CDH12: variants seen among roughly 807,000 people sequenced by gnomAD.
The protein encoded by CDH12 is cadherin 12, also known as cadherin-12.
A neutral mutation model predicts 74.1 loss-of-function variants in CDH12; 41 were observed. That is an observed-to-expected ratio of 0.55 (90% CI 0.43 to 0.72). The LOEUF is 0.72. CDH12 is among the 30% of genes least tolerant of loss of function. The pLI is 0.00. For missense variants in CDH12, 945 were observed against 977.2 expected, an observed-to-expected ratio of 0.97 and a Z score of 0.44; for synonymous variants, 399 against 355.0, an observed-to-expected ratio of 1.12 and a Z score of -1.39.
chr5:21,882,309 G>A (rs372218079), intron 6 of CDH12, among the ~76,000 whole-genome samples: 12 of 152,048 alleles, frequency 7.9e-5, no homozygotes, highest in African/African-American at 2.9e-4. Context: ...ACACACAGAG[G>A]ATGACGTAAA....
intron 4 of CDH12, among the ~76,000 whole-genome samples, chr5:22,181,897 T>C (rs945866955): frequency 2.6e-5 from 4 of 152,108 alleles, no homozygotes; most frequent in Non-Finnish European, 4.4e-5. Context: ...TCCCAAATCA[T>C]CCCGGAAGTC....
chr5:22,026,969 A>C (rs564477493), intron 5 of CDH12, among the ~76,000 whole-genome samples: 3 of 152,168 alleles, frequency 2.0e-5, no homozygotes, highest in South Asian at 2.1e-4. Context: ...GATAGCTCTT[A>C]TTATTTTAAG....
At chr5:22,555,982 T>C (rs1738786752) in intron 1 of CDH12, among the ~76,000 whole-genome samples, 1 of 151,908 alleles carries the variant, frequency 6.6e-6, no homozygotes, top group Non-Finnish European at 1.5e-5. Context: ...TGTAGTAGTG[T>C]TTGGTAGACT....
chr5:22,241,089 G>A (rs1034283606), intron 3 of CDH12, among the ~76,000 whole-genome samples: 4 of 152,016 alleles, frequency 2.6e-5, no homozygotes, highest in African/African-American at 9.7e-5. Flanking sequence ...TGCTTCAAGT[G>A]TTTAAAAAAT....
chr5:22,082,701 A>G (rs1742822238), intron 4 of CDH12, among the ~76,000 whole-genome samples: 2 of 152,194 alleles, frequency 1.3e-5, no homozygotes, highest in African/African-American at 4.8e-5. Flanking sequence ...CAACACATAA[A>G]CAGTTTGCAT....
chr5:22,767,264 A>G (rs970377791), intron 1 of CDH12, among the ~76,000 whole-genome samples: 2 of 151,996 alleles, frequency 1.3e-5, no homozygotes, highest in African/African-American at 4.8e-5. Context: ...AGATCTATAA[A>G]TGTTTATAAG....
intron 5 of CDH12, among the ~76,000 whole-genome samples, chr5:22,041,827 A>G (rs1739591690): frequency 6.6e-6 from 1 of 152,150 alleles, no homozygotes; most frequent in Non-Finnish European, 1.5e-5. Context: ...GGTATATAAA[A>G]AATTTCTTAC....
At chr5:21,853,869 T>C (rs1750605536) in intron 7 of CDH12, among the ~76,000 whole-genome samples, 1 of 151,694 alleles carries the variant, frequency 6.6e-6, no homozygotes, top group Admixed American at 6.6e-5. Context: ...ATTTGCAATA[T>C]GTTCTAATGT....
intron 1 of CDH12, among the ~76,000 whole-genome samples, chr5:22,713,774 T>C (rs549990655): frequency 1.3e-5 from 2 of 152,170 alleles, no homozygotes; most frequent in Non-Finnish European, 2.9e-5. Flanking sequence ...CTTAGTCTTA[T>C]AACATCCTAC....
At chr5:22,292,428 C>T (rs182248696) in intron 3 of CDH12, among the ~76,000 whole-genome samples, 32 of 146,334 alleles carry the variant, frequency 2.2e-4, no homozygotes, top group African/African-American at 7.6e-4. Flanking sequence ...TTCTGCACAG[C>T]AAAGGAAACA....
chr5:22,342,746 T>TTCCC (rs1263878383), intron 3 of CDH12, among the ~76,000 whole-genome samples: 1 of 141,742 alleles, frequency 7.1e-6, no homozygotes, highest in African/African-American at 2.6e-5. Context: ...CCTTATTTCC[T>TTCCC]TCCCTCCCTC....
chr5:21,861,610 T>G (rs1158521414), intron 6 of CDH12, among the ~76,000 whole-genome samples: 4 of 152,112 alleles, frequency 2.6e-5, no homozygotes, highest in African/African-American at 9.7e-5. Flanking sequence ...CTCACAATTT[T>G]TAACCAATTT....
intron 6 of CDH12, among the ~76,000 whole-genome samples, chr5:21,919,450 A>G (rs1435598964): frequency 6.6e-6 from 1 of 152,180 alleles, no homozygotes; most frequent in East Asian, 1.9e-4. Context: ...CAACATGTTA[A>G]CGTTTCAATT....
At chr5:22,756,740 T>A (rs1410212526) in intron 1 of CDH12, among the ~76,000 whole-genome samples, 1 of 152,050 alleles carries the variant, frequency 6.6e-6, no homozygotes, top group Non-Finnish European at 1.5e-5. Context: ...GGCAGGTGGA[T>A]CACGAGGTCA....
At chr5:21,873,578 T>A (rs187944985) in intron 6 of CDH12, among the ~76,000 whole-genome samples, 52 of 152,278 alleles carry the variant, frequency 3.4e-4, no homozygotes, top group African/African-American at 1.2e-3. Context: ...TCCAAGCATT[T>A]TGATAATTTG....
chr5:22,092,201 A>C (rs952427428), intron 4 of CDH12, among the ~76,000 whole-genome samples: 3 of 151,942 alleles, frequency 2.0e-5, no homozygotes, highest in African/African-American at 7.2e-5. Context: ...CAAACATAGA[A>C]TAGGCAATTC....
chr5:22,642,184 C>T (rs1315357076), intron 1 of CDH12, among the ~76,000 whole-genome samples: 1 of 152,206 alleles, frequency 6.6e-6, no homozygotes, highest in Non-Finnish European at 1.5e-5. Flanking sequence ...GTTCTACTTC[C>T]CCTCATTCAT....
At chr5:22,523,715 C>A (rs1173118267) in intron 1 of CDH12, among the ~76,000 whole-genome samples, 1 of 151,954 alleles carries the variant, frequency 6.6e-6, no homozygotes, top group Non-Finnish European at 1.5e-5. Context: ...TTGTAGGTTG[C>A]CTCATATAAT....
intron 3 of CDH12, among the ~76,000 whole-genome samples, chr5:22,310,690 G>C (rs1738352159): frequency 2.0e-5 from 3 of 152,098 alleles, no homozygotes; most frequent in African/African-American, 7.2e-5. Context: ...AGAGCACATT[G>C]CAGCTTAGAG....
Sources: gnomAD v4.1 joint callset for allele counts (sites outside exome capture counted in the v4.1 genomes callset) on GRCh38, gnomAD v4.1.1 for gene constraint, MANE v1.5 for transcripts, NCBI Gene and HGNC (gene_info 2026-07-23, HGNC 2026-07-21) for gene names.